Variants in TACC2 observed in about 807,000 individuals in gnomAD.
The protein encoded by TACC2 is transforming acidic coiled-coil-containing protein 2.
Under a neutral mutation model 227.3 loss-of-function variants are expected in TACC2, and 137 were observed. That is an observed-to-expected ratio of 0.60 (90% confidence interval 0.52 to 0.69). TACC2 has a LOEUF of 0.69. Ranked by LOEUF, TACC2 falls within the 30% of genes least tolerant of loss-of-function variation. The pLI, the probability that TACC2 is intolerant of heterozygous loss-of-function variation, is 0.00. For synonymous variants in TACC2, 1,523 were observed against 1,487.5 expected (o/e 1.02, Z -0.55); for missense variants, 3,470 against 3,694.4 (o/e 0.94, Z 1.57).
chr10:122,163,403 T>G, intron 7 of TACC2: 13 of 223,856 alleles, frequency 5.8e-5, no homozygotes, highest in Non-Finnish European at 8.9e-5. Flanking sequence ...CCGCGGCTCG[T>G]TTGCATTTCA....
chr10:122,011,145 A>T (rs1354068330), intron 1 of TACC2, among the ~76,000 whole-genome samples: 1 of 152,146 alleles, frequency 6.6e-6, no homozygotes, highest in African/African-American at 2.4e-5. Flanking sequence ...ACCATTACCC[A>T]GTTGGGTGAG....
intron 1 of TACC2, among the ~76,000 whole-genome samples, chr10:122,007,180 A>C (rs1342209875): frequency 3.3e-5 from 5 of 151,806 alleles, no homozygotes; most frequent in African/African-American, 4.8e-5. Context: ...GATTTTTTTT[A>C]ATGTCGTTTA....
chr10:122,172,235 T>C (rs2093507995), intron 7 of TACC2, among the ~76,000 whole-genome samples: 1 of 152,216 alleles, frequency 6.6e-6, no homozygotes, highest in Admixed American at 6.5e-5. Flanking sequence ...AGCAGGCTAT[T>C]GGTCTAGGTT....
intron 7 of TACC2, among the ~76,000 whole-genome samples, chr10:122,144,170 G>C (rs188942145): frequency 3.3e-5 from 5 of 152,210 alleles, no homozygotes; most frequent in African/African-American, 9.6e-5. Context: ...TTTTCCTTGG[G>C]GAAGGTCAAT....
In TACC2 at chr10:122,216,769, C is replaced by A. The variant is rs370266697; in HGVS notation, c.7487C>A (p.Pro2496Gln). ...VDLEADKQDY[P>Q]QPSDLSTFVN... ...CTAGAGGCTGACAAACAGGACTACC[C>A]GCAGCCCTCGGACCTGTCCACCTTT... The change falls in exon 11 of 23, where the codon CCG (proline) becomes CAG (glutamine). Residue 2496 changes from proline to glutamine, a missense_variant. Around this residue, in one of 10 missense-constraint regions of TACC2, gnomAD observed 345 missense variants for 354.4 expected, o/e 0.97. Transcript: ENST00000369005. 1 of 1,614,092 alleles carries A rather than the reference C, an allele frequency of 6.2e-7. No homozygotes were observed. Among genetic ancestry groups the A allele is most frequent in the Non-Finnish European group, 8.5e-7 (1 of 1,180,024 alleles).
intron 2 of TACC2, among the ~76,000 whole-genome samples, chr10:122,042,334 C>T (rs890437785): frequency 6.6e-6 from 1 of 152,100 alleles, no homozygotes; most frequent in African/African-American, 2.4e-5. Context: ...CCTCTGCCTC[C>T]CGGGGTCAAG....
At position 122,083,281 on chromosome 10, in the gene TACC2, G is replaced by C. The variant is rs777936931; in HGVS notation, c.781G>C (p.Glu261Gln). The C allele has an allele frequency of 1.2e-6, 2 of 1,613,884 alleles. No homozygotes were observed. Among genetic ancestry groups the C allele is most frequent in the South Asian group, 2.2e-5 (2 of 91,076 alleles). Residue 261 changes from glutamate (E) to glutamine (Q), a missense_variant, in exon 4 of 23, where the codon GAA (glutamate) becomes CAA (glutamine). Transcript: ENST00000369005. ...EAPAAAQQGT[E>Q]SSAVLEKSPL... is the part of the protein sequence containing the mutation. ...CCCTGCTGCAGCCCAGCAGGGCACA[G>C]AAAGCTCAGCGGTCTTGGAGAAGTC...
chr10:122,119,936 AAG>A (rs1162537723), intron 5 of TACC2, among the ~76,000 whole-genome samples: 1 of 151,646 alleles, frequency 6.6e-6, no homozygotes, highest in African/African-American at 2.4e-5. Context: ...AAAAAAAAAA[AAG>A]AAAAAGAAAA....
chr10:122,136,987 G>C (rs969786701), intron 6 of TACC2, among the ~76,000 whole-genome samples: 12 of 152,090 alleles, frequency 7.9e-5, no homozygotes, highest in Middle Eastern at 3.2e-3. Flanking sequence ...TTGGTGCCCT[G>C]CCCTCTAGTT....
At position 122,086,715 on chromosome 10, in the gene TACC2, C is replaced by T. The variant is rs762957952; in HGVS notation, c.4215C>T (p.Phe1405=). The T allele has an allele frequency of 5.6e-6, 9 of 1,613,824 alleles. No individual in the cohort carries two copies. Among genetic ancestry groups the T allele is most frequent in the Non-Finnish European group, 7.6e-6 (9 of 1,179,950 alleles). The change falls in exon 4 of 23, where the codon TTC becomes TTT. Residue 1405 remains phenylalanine (F), a synonymous_variant. Coordinates refer to ENST00000369005, the MANE Select transcript of TACC2 (RefSeq NM_206862.4). ...SSEQIATLTG[F]PDFREHIAKI... ...AGCAAATCGCCACCCTCACTGGCTT[C>T]CCAGACTTCAGGGAGCACATCGCCA...
intron 14 of TACC2, 97 bp downstream of exon 14, chr10:122,228,105 C>A: frequency 7.7e-7 from 1 of 1,303,502 alleles, no homozygotes; most frequent in Non-Finnish European, 1.1e-6. Flanking sequence ...CAACACTCAC[C>A]TGGCACCTGC....
At chr10:122,007,985 CAG>C (rs1445321493) in intron 1 of TACC2, among the ~76,000 whole-genome samples, 1 of 152,170 alleles carries the variant, frequency 6.6e-6, no homozygotes, top group Non-Finnish European at 1.5e-5. Context: ...CAGGACTCTG[CAG>C]AGAGTCCTCC....
chr10:122,117,446 C>T (rs992404831), intron 5 of TACC2, among the ~76,000 whole-genome samples: 15 of 152,092 alleles, frequency 9.9e-5, no homozygotes, highest in Admixed American at 7.2e-4. Context: ...CTGCCCAGCT[C>T]GGCCTCCCAA....
intron 7 of TACC2, among the ~76,000 whole-genome samples, chr10:122,182,636 G>A (rs140736180): frequency 3.1e-4 from 47 of 152,294 alleles, no homozygotes; most frequent in African/African-American, 1.0e-3. Context: ...TTGAAGTACC[G>A]CTTTTAAGGC....
At chr10:122,121,887 G>A (rs1035229622) in intron 5 of TACC2, among the ~76,000 whole-genome samples, 102 of 152,192 alleles carry the variant, frequency 6.7e-4, no homozygotes, top group Admixed American at 5.9e-4. Flanking sequence ...CTCCCCTGGG[G>A]CTGTGCCGCT....
chr10:122,190,131 G>A (rs2094355476), intron 7 of TACC2, among the ~76,000 whole-genome samples: 2 of 152,194 alleles, frequency 1.3e-5, no homozygotes, highest in African/African-American at 4.8e-5. Context: ...TCACATATGG[G>A]TGTATATATG....
At position 122,203,708 on chromosome 10, in the gene TACC2, A is replaced by G. The variant is rs915496394; in HGVS notation, c.5972-6689A>G. On this transcript the variant is annotated intron_variant, in intron 8 of 22. Transcript: ENST00000369005. ...CAGGCAGAGGGGCTCCTCACATCCC[A>G]GTCGATGGGCGGCCAGGCAGAGACG... 2.7e-3 allele frequency among the ~76,000 whole-genome samples: 407 copies of G among 148,852 alleles called. 1 individual carries two copies. The highest frequency in any genetic ancestry group is 9.8e-3 in the African/African-American group (390 of 39,892).
At chr10:122,006,443 A>C (rs12260646) in intron 1 of TACC2, among the ~76,000 whole-genome samples, 78,768 of 151,184 alleles carry the variant, frequency 0.52, 21,515 homozygotes, top group Non-Finnish European at 0.6. Flanking sequence ...AGTGAGACTC[A>C]GTCTCAAAAA....
intron 11 of TACC2, chr10:122,217,062 CT>C: frequency 2.6e-6 from 2 of 763,790 alleles, no homozygotes; most frequent in Non-Finnish European, 4.0e-6. Context: ...GCACGGTGCC[CT>C]CTAACTCCAC....
Sources: gnomAD v4.1 joint callset for allele counts (sites outside exome capture counted in the v4.1 genomes callset) on GRCh38, gnomAD v4.1.1 for gene constraint, gnomAD v4.1.1 regional missense constraint, MANE v1.5 for transcripts, NCBI Gene and HGNC (gene_info 2026-07-23, HGNC 2026-07-21) for gene names.